Variants in CSGALNACT1 observed in about 807,000 individuals in gnomAD.
CSGALNACT1 encodes chondroitin sulfate N-acetylgalactosaminyltransferase 1.
Under a neutral mutation model 51.0 loss-of-function variants are expected in CSGALNACT1, and 52 were observed. That is an observed-to-expected ratio of 1.02 (90% CI 0.82 to 1.29). The LOEUF is 1.29. Among genes scored for constraint, CSGALNACT1 ranks in the 50% most tolerant of loss-of-function variants. CSGALNACT1 has a pLI of 0.00. For missense variants in CSGALNACT1, 935 were observed against 679.2 expected (o/e 1.38, Z -4.19); for synonymous variants, 341 against 254.4 (o/e 1.34, Z -3.24).
intron 1 of CSGALNACT1, among the ~76,000 whole-genome samples, chr8:19,655,847 T>C (rs147154877): frequency 6.6e-6 from 1 of 152,316 alleles, no homozygotes; most frequent in East Asian, 1.9e-4. Flanking sequence ...CATGCAGCTC[T>C]CAGTCTGGTA....
chr8:19,541,384 G>A (rs2085089581), intron 3 of CSGALNACT1, among the ~76,000 whole-genome samples: 1 of 151,070 alleles, frequency 6.6e-6, no homozygotes. Context: ...CCGAGCAGGT[G>A]GGACTACAGG....
chr8:19,440,838 T>C (rs557051091), intron 5 of CSGALNACT1, among the ~76,000 whole-genome samples: 2,284 of 152,128 alleles, frequency 0.015, 53 homozygotes, highest in African/African-American at 0.052. Context: ...CAGCCCAAAA[T>C]CTCCCTAAGC....
chr8:19,674,740 A>G (rs540545801), intron 1 of CSGALNACT1, among the ~76,000 whole-genome samples: 1 of 152,308 alleles, frequency 6.6e-6, no homozygotes, highest in East Asian at 1.9e-4. Context: ...AATTGGGAGC[A>G]GGGAGGGCAG....
intron 3 of CSGALNACT1, among the ~76,000 whole-genome samples, chr8:19,546,148 T>C (rs1356927995): frequency 1.3e-5 from 2 of 152,108 alleles, no homozygotes; most frequent in Non-Finnish European, 2.9e-5. Flanking sequence ...CAAATAGATA[T>C]ATGCAGATAA....
chr8:19,608,524 A>G (rs2051724816), intron 1 of CSGALNACT1, among the ~76,000 whole-genome samples: 1 of 152,238 alleles, frequency 6.6e-6, no homozygotes, highest in African/African-American at 2.4e-5. Flanking sequence ...TCTATGTGCT[A>G]CTACAATCTC....
intron 4 of CSGALNACT1, among the ~76,000 whole-genome samples, chr8:19,475,364 T>G (rs1250058238): frequency 6.6e-6 from 1 of 152,182 alleles, no homozygotes; most frequent in Non-Finnish European, 1.5e-5. Flanking sequence ...TGGGGTCTGT[T>G]TGGATCTTGG....
At chr8:19,417,854 G>C (rs138772185) in intron 8 of CSGALNACT1, among the ~76,000 whole-genome samples, 1 of 152,098 alleles carries the variant, frequency 6.6e-6, no homozygotes, top group African/African-American at 2.4e-5. Context: ...CAACAATACC[G>C]GGAAATTCCA....
At chr8:19,741,721 T>C (rs2064333120) in intron 1 of CSGALNACT1, among the ~76,000 whole-genome samples, 1 of 152,226 alleles carries the variant, frequency 6.6e-6, no homozygotes, top group African/African-American at 2.4e-5. Context: ...AAAGCAACTT[T>C]CTAATTATGA....
chr8:19,648,241 T>G (rs1435479743), intron 1 of CSGALNACT1, among the ~76,000 whole-genome samples: 1 of 152,186 alleles, frequency 6.6e-6, no homozygotes, highest in South Asian at 2.1e-4. Context: ...TCTAGCAACA[T>G]TAATCAAATT....
At chr8:19,456,085 G>A (rs1359492853) in intron 5 of CSGALNACT1, among the ~76,000 whole-genome samples, 1 of 152,118 alleles carries the variant, frequency 6.6e-6, no homozygotes, top group Non-Finnish European at 1.5e-5. Flanking sequence ...CTGGAATCAC[G>A]TTTCATTTCA....
intron 3 of CSGALNACT1, among the ~76,000 whole-genome samples, chr8:19,540,901 T>G (rs1376511858): frequency 6.6e-6 from 1 of 152,140 alleles, no homozygotes; most frequent in East Asian, 1.9e-4. Flanking sequence ...TTAAATGCCC[T>G]GAGGTAGCAC....
At chr8:19,496,582 A>G (rs766828527) in intron 4 of CSGALNACT1, among the ~76,000 whole-genome samples, 2 of 152,244 alleles carry the variant, frequency 1.3e-5, no homozygotes, top group Non-Finnish European at 1.5e-5. Flanking sequence ...AGCATCCCTT[A>G]CCACGAAAAA....
upstream of CSGALNACT1, among the ~76,000 whole-genome samples, chr8:19,684,187 G>C (rs563109979): frequency 5.5e-4 from 84 of 151,920 alleles, no homozygotes; most frequent in African/African-American, 1.9e-3. Flanking sequence ...ACATAATAAA[G>C]CTCAATGATT....
intron 1 of CSGALNACT1, among the ~76,000 whole-genome samples, chr8:19,622,137 A>C (rs2154161563): frequency 6.6e-6 from 1 of 152,366 alleles, no homozygotes; most frequent in East Asian, 1.9e-4. Flanking sequence ...TTTATAATAC[A>C]GGTATAATGC....
At chr8:19,443,669 C>G (rs2075992412) in intron 5 of CSGALNACT1, among the ~76,000 whole-genome samples, 1 of 152,154 alleles carries the variant, frequency 6.6e-6, no homozygotes, top group Non-Finnish European at 1.5e-5. Flanking sequence ...TCAATGATCT[C>G]CACCTGGCCC....
intron 4 of CSGALNACT1, among the ~76,000 whole-genome samples, chr8:19,492,641 T>C (rs997840706): frequency 1.3e-5 from 2 of 152,194 alleles, no homozygotes; most frequent in African/African-American, 4.8e-5. Flanking sequence ...GCATGTTCCA[T>C]TCAACACCAG....
intron 1 of CSGALNACT1, among the ~76,000 whole-genome samples, chr8:19,626,952 G>C (rs1352502219): frequency 6.6e-6 from 1 of 152,164 alleles, no homozygotes; most frequent in African/African-American, 2.4e-5. Flanking sequence ...CACATTGCTG[G>C]TGGGAATGTG....
intron 4 of CSGALNACT1, among the ~76,000 whole-genome samples, chr8:19,494,345 A>C (rs998851412): frequency 1.3e-5 from 2 of 152,126 alleles, no homozygotes; most frequent in African/African-American, 4.8e-5. Flanking sequence ...AATTCTACAC[A>C]TCTTGCAAAA....
chr8:19,655,965 C>T (rs1274154148), intron 1 of CSGALNACT1, among the ~76,000 whole-genome samples: 2 of 152,014 alleles, frequency 1.3e-5, no homozygotes, highest in Admixed American at 6.6e-5. Context: ...GGGGGATTCA[C>T]GGGTGTCTTC....
Sources: gnomAD v4.1 joint callset for allele counts (sites outside exome capture counted in the v4.1 genomes callset) on GRCh38, gnomAD v4.1.1 for gene constraint, MANE v1.5 for transcripts, NCBI Gene and HGNC (gene_info 2026-07-23, HGNC 2026-07-21) for gene names.